GRAMD1C: variants seen among roughly 807,000 people sequenced by gnomAD.
GRAMD1C encodes protein Aster-C.
A neutral mutation model predicts 97.8 loss-of-function variants in GRAMD1C; 89 were observed. The observed-to-expected ratio is 0.91, with a 90% confidence interval of 0.77 to 1.09. The LOEUF (loss-of-function observed/expected upper bound fraction) is 1.09. Among genes scored for constraint, GRAMD1C ranks in the 50% least tolerant of loss-of-function variants. GRAMD1C has a pLI of 0.00. For missense variants in GRAMD1C, 740 were observed against 766.4 expected, an observed-to-expected ratio of 0.97 and a Z score of 0.41; for synonymous variants, 256 against 267.0, an observed-to-expected ratio of 0.96 and a Z score of 0.40.
chr3:113,860,028 A>AT lies in GRAMD1C; in HGVS notation c.175-9468dup, dbSNP rs535040679. On this transcript the variant is annotated intron_variant, in intron 2 of 17. Coordinates refer to ENST00000358160, the MANE Select transcript of GRAMD1C (RefSeq NM_017577.5). ...TATCAAATGAATAAAATAGGAATAA[A>AT]TTTTTTTTTTTGACATGGAGGCTTG... 4.0e-3 allele frequency among the ~76,000 whole-genome samples: 598 copies of AT among 149,544 alleles called. 3 individuals are homozygous for AT. The highest frequency in any genetic ancestry group is 0.013 in the African/African-American group (536 of 40,978).
At chr3:113,873,428 C>T (rs955798793) in intron 3 of GRAMD1C, among the ~76,000 whole-genome samples, 2 of 152,204 alleles carry the variant, frequency 1.3e-5, no homozygotes, top group South Asian at 4.1e-4. Flanking sequence ...GCAACACTGT[C>T]AGTACCTGAG....
intron 10 of GRAMD1C, chr3:113,919,648 A>G: frequency 3.1e-6 from 2 of 655,074 alleles, no homozygotes; most frequent in South Asian, 2.9e-5. Context: ...TGACAGATTT[A>G]GTAAAAGAAT....
intron 1 of GRAMD1C, among the ~76,000 whole-genome samples, chr3:113,840,068 G>A (rs1045055779): frequency 6.6e-6 from 1 of 152,080 alleles, no homozygotes; most frequent in African/African-American, 2.4e-5. Flanking sequence ...CCGGGTTCAC[G>A]CCATTCTTCT....
chr3:113,907,215 C>T (rs1002829361), intron 8 of GRAMD1C, among the ~76,000 whole-genome samples: 5 of 152,130 alleles, frequency 3.3e-5, no homozygotes, highest in African/African-American at 4.8e-5. Flanking sequence ...TTTCCACCCT[C>T]CCCCAAGAAC....
chr3:113,897,485 A>T (rs1020041798), intron 6 of GRAMD1C: 1 of 977,796 alleles, frequency 1.0e-6, no homozygotes, highest in African/African-American at 1.8e-5. Flanking sequence ...AGTGAGGTAT[A>T]ACTTCCAATT....
intron 2 of GRAMD1C, among the ~76,000 whole-genome samples, chr3:113,858,259 G>A (rs1437957012): frequency 6.6e-6 from 1 of 151,154 alleles, no homozygotes; most frequent in Non-Finnish European, 1.5e-5. Flanking sequence ...TTGAGACAGA[G>A]TCTCACTCTG....
chr3:113,892,365 G>A (rs1348573370), intron 6 of GRAMD1C, among the ~76,000 whole-genome samples: 1 of 152,000 alleles, frequency 6.6e-6, no homozygotes, highest in Non-Finnish European at 1.5e-5. Flanking sequence ...CCAGCTACTC[G>A]GGAGGCTGAG....
At chr3:113,887,278 G>C (rs1169794205) in intron 6 of GRAMD1C, among the ~76,000 whole-genome samples, 1 of 151,398 alleles carries the variant, frequency 6.6e-6, no homozygotes, top group Non-Finnish European at 1.5e-5. Flanking sequence ...TTTTAGTAGA[G>C]GTGGGGTTTC....
chr3:113,868,755 C>G (rs1412049569), intron 2 of GRAMD1C, among the ~76,000 whole-genome samples: 1 of 152,038 alleles, frequency 6.6e-6, no homozygotes, highest in African/African-American at 2.4e-5. Context: ...TTTTATGTTC[C>G]CCTGAGACCT....
intron 5 of GRAMD1C, 29 bp downstream of exon 5, chr3:113,876,289 A>T: frequency 1.7e-6 from 2 of 1,178,832 alleles, no homozygotes; most frequent in Non-Finnish European, 2.5e-6. Flanking sequence ...TTGTTATATT[A>T]CATAATGTGA....
In GRAMD1C at chr3:113,861,561, A is replaced by G. The variant is rs182356095; in HGVS notation, c.175-7946A>G. Among the ~76,000 whole-genome samples the G allele has an allele frequency of 1.3e-3, 192 of 152,342 alleles. 1 individual carries two copies. The highest frequency in any genetic ancestry group is 9.3e-4 in the Non-Finnish European group (63 of 68,030). On this transcript the variant is annotated intron_variant, in intron 2 of 17. Coordinates refer to ENST00000358160, the MANE Select transcript of GRAMD1C (RefSeq NM_017577.5). ...TTTCTGTGCTTCAAGGAGTTCATTA[A>G]GAAAATGAAAAGATCACCCACAGAA...
intron 9 of GRAMD1C, 64 bp downstream of exon 9, chr3:113,909,184 TA>T: frequency 3.8e-6 from 3 of 780,168 alleles, no homozygotes; most frequent in Non-Finnish European, 5.9e-6. Flanking sequence ...ATCTTTGTAA[TA>T]GGGGTGTGCA....
At chr3:113,848,409 G>A (rs1933708922) in intron 2 of GRAMD1C, among the ~76,000 whole-genome samples, 1 of 152,126 alleles carries the variant, frequency 6.6e-6, no homozygotes, top group Non-Finnish European at 1.5e-5. Context: ...ACTCTCTATG[G>A]CTGTTGATAG....
rs533981911 is a variant in GRAMD1C, at chr3:113,851,509, G to A, written c.174+6860G>A. ...TTGAATTTTTCTAGATAATAGTCAAGTTTTCTTTCTTTCTTTTTTTTTTTT... is the reference window on the plus strand; with the variant it reads ...TTGAATTTTTCTAGATAATAGTCAAATTTTCTTTCTTTCTTTTTTTTTTTT... On this transcript the variant is annotated intron_variant, in intron 2 of 17. Coordinates refer to ENST00000358160, the MANE Select transcript of GRAMD1C (RefSeq NM_017577.5). 2.0e-4 allele frequency among the ~76,000 whole-genome samples: 29 copies of A among 146,638 alleles called. 1 individual carries two copies. The South Asian group carries it at 6.2e-3, about 32-fold the overall frequency.
At chr3:113,840,390 C>T (rs1351052550) in intron 1 of GRAMD1C, among the ~76,000 whole-genome samples, 46 of 152,008 alleles carry the variant, frequency 3.0e-4, no homozygotes, top group Non-Finnish European at 2.9e-5. Flanking sequence ...CTTTTTTTCA[C>T]CCTTGATGTT....
intron 3 of GRAMD1C, among the ~76,000 whole-genome samples, chr3:113,871,020 CACAGAG>C (rs747754596): frequency 3.0e-5 from 3 of 101,428 alleles, no homozygotes; most frequent in African/African-American, 1.0e-4. Context: ...CACACACACA[CACAGAG>C]GAATATTAAG....
Position 113,904,181 on chromosome 3 carries a change from A to G in GRAMD1C, c.698A>G (p.Asp233Gly), listed in dbSNP as rs1429587314. 1.2e-6 allele frequency: 2 copies of G among 1,607,788 alleles called. No individual in the cohort carries two copies. Among genetic ancestry groups the G allele is most frequent in the Middle Eastern group, 1.6e-4 (1 of 6,070 alleles). ...RSSLDDSGER[D>G]EKLSKSISFT... ...AGCTTGGATGACTCTGGGGAGAGAG[A>G]TGAAAAATTATCCAAGTCAATCAGT... Residue 233 changes from aspartate to glycine, a missense_variant, in exon 8 of 18, where the codon GAT (aspartate) becomes GGT (glycine). Asp to Gly is a moderately conservative substitution (Grantham distance 94). Transcript: ENST00000358160.
rs1311284890 is a variant in GRAMD1C at position 113,901,166 on chromosome 3, A to G, written c.656+20A>G. On this transcript the variant is annotated intron_variant, in intron 7 of 17. Transcript: ENST00000358160. Reference sequence around the variant, plus strand: ...GCCAAGGTACAGCAAAATGTTTTGAAATGTCAAAATTTATCAATTATTAAT... The same window carrying G: ...GCCAAGGTACAGCAAAATGTTTTGAGATGTCAAAATTTATCAATTATTAAT... 2 of 1,190,138 alleles carry G rather than the reference A, an allele frequency of 1.7e-6. No individual in the cohort carries two copies. Among genetic ancestry groups the G allele is most frequent in the Admixed American group, 3.5e-5 (2 of 56,846 alleles). The allele number at this position is 1,190,138 out of a possible 1,614,324, so 73.7% of individuals were successfully genotyped here.
intron 6 of GRAMD1C, among the ~76,000 whole-genome samples, chr3:113,900,440 A>T (rs1936123818): frequency 7.1e-6 from 1 of 141,758 alleles, no homozygotes; most frequent in South Asian, 2.2e-4. Flanking sequence ...TATTATTTTG[A>T]GATGGAGTCT....
Sources: allele counts gnomAD v4.1 joint callset (sites outside exome capture counted in the v4.1 genomes callset), GRCh38; gene constraint gnomAD v4.1.1; transcripts MANE v1.5; gene names NCBI Gene and HGNC (gene_info 2026-07-23, HGNC 2026-07-21).